SRFBP1: variants seen among roughly 807,000 people sequenced by gnomAD.
The protein encoded by SRFBP1 is serum response factor-binding protein 1.
Under a neutral mutation model 45.5 loss-of-function variants are expected in SRFBP1, and 47 were observed. That is an observed-to-expected ratio of 1.03 (90% CI 0.82 to 1.32). The LOEUF (loss-of-function observed/expected upper bound fraction) is 1.32. Among genes scored for constraint, SRFBP1 ranks in the 40% most tolerant of loss-of-function variants. The probability of loss-of-function intolerance (pLI) is 0.00; values close to 1 mark genes in which losing one functional copy is unlikely to be tolerated. For missense variants in SRFBP1, 621 were observed against 484.6 expected, an observed-to-expected ratio of 1.28 and a Z score of -2.64; for synonymous variants, 203 against 166.3, an observed-to-expected ratio of 1.22 and a Z score of -1.70.
intron 2 of SRFBP1, among the ~76,000 whole-genome samples, chr5:122,034,151 T>C (rs1374493143): frequency 6.6e-6 from 1 of 152,176 alleles, no homozygotes; most frequent in Admixed American, 6.5e-5. Flanking sequence ...AATAATTGTT[T>C]TAGGTGTTTC....
intron 1 of SRFBP1, among the ~76,000 whole-genome samples, chr5:121,963,354 C>T (rs78574994): frequency 6.6e-6 from 1 of 152,092 alleles, no homozygotes; most frequent in Admixed American, 6.5e-5. Flanking sequence ...ATACATTAAG[C>T]TTGTGCTTTG....
chr5:122,011,329 A>G (rs749799143), intron 4 of SRFBP1, among the ~76,000 whole-genome samples: 3 of 152,250 alleles, frequency 2.0e-5, no homozygotes, highest in Admixed American at 6.5e-5. Context: ...TTTATTTGAA[A>G]TGGAAGAAAC....
chr5:122,031,719 C>T (rs1030416451), downstream of SRFBP1, among the ~76,000 whole-genome samples: 5 of 151,710 alleles, frequency 3.3e-5, no homozygotes, highest in South Asian at 8.3e-4. Flanking sequence ...GGCATAATAG[C>T]TAAAAAAAAA....
At chr5:122,004,958 A>G (rs915109842) in intron 4 of SRFBP1, among the ~76,000 whole-genome samples, 1 of 152,172 alleles carries the variant, frequency 6.6e-6, no homozygotes. Flanking sequence ...GAATTTTTCA[A>G]AAATTCCTTC....
At chr5:122,042,509 C>T (rs1753788116) in intron 2 of SRFBP1, among the ~76,000 whole-genome samples, 1 of 152,186 alleles carries the variant, frequency 6.6e-6, no homozygotes, top group Admixed American at 6.5e-5. Context: ...TCCTTGGCTT[C>T]CCAAAGTGCT....
intron 7 of SRFBP1, among the ~76,000 whole-genome samples, chr5:122,022,816 TAA>T (rs1256675593): frequency 1.3e-5 from 2 of 152,204 alleles, no homozygotes; most frequent in Non-Finnish European, 2.9e-5. Context: ...GTAACAAATC[TAA>T]GTTTCATGTA....
chr5:122,057,349 G>T (rs555584616), intron 2 of SRFBP1, among the ~76,000 whole-genome samples: 1 of 151,970 alleles, frequency 6.6e-6, no homozygotes, highest in South Asian at 2.1e-4. Context: ...GAAAAGGAAA[G>T]GTTTATTATC....
At position 121,978,436 on chromosome 5, in the gene SRFBP1, G is replaced by A. The variant is rs553031295; in HGVS notation, c.198+3049G>A. 3.3e-5 allele frequency among the ~76,000 whole-genome samples: 5 copies of A among 152,162 alleles called. No individual in the cohort carries two copies. The East Asian group carries it at 9.6e-4, about 29-fold the overall frequency. On this transcript the variant is annotated intron_variant, in intron 3 of 7. Transcript: ENST00000339397. ...AAAAAGACTGAAAGATGTGCAACGT[G>A]TTTTCAGATCCTTTAATTCCTGACA... is the stretch of plus-strand genomic sequence containing the variant.
chr5:122,026,768 A>G (rs17148712), intron 7 of SRFBP1, among the ~76,000 whole-genome samples, 174 bp from the exon 8 acceptor site: 6,755 of 152,260 alleles, frequency 0.044, 173 homozygotes, highest in African/African-American at 0.06. Context: ...CTACTTGTAT[A>G]TAAATTTTCA....
At chr5:122,042,406 A>G (rs1015831493) in intron 2 of SRFBP1, among the ~76,000 whole-genome samples, 1 of 152,122 alleles carries the variant, frequency 6.6e-6, no homozygotes, top group Non-Finnish European at 1.5e-5. Flanking sequence ...AGCTGTGACT[A>G]CAGATACATG....
chr5:122,077,867 C>T (rs1451725256), downstream of SRFBP1: 2 of 1,535,988 alleles, frequency 1.3e-6, no homozygotes, highest in South Asian at 2.4e-5. The surrounding 1 kb of genome is among the most constrained non-coding windows in gnomAD (Gnocchi z 4.9). Flanking sequence ...GCGCCAGGCG[C>T]CCGGAGCCGC....
chr5:121,983,049 C>T (rs1752443989), intron 3 of SRFBP1, among the ~76,000 whole-genome samples: 1 of 151,686 alleles, frequency 6.6e-6, no homozygotes, highest in Admixed American at 6.6e-5. Flanking sequence ...AATATTACAA[C>T]ATATTTTGTT....
chr5:122,068,886 T>G (rs1754374442), intron 2 of SRFBP1, among the ~76,000 whole-genome samples: 1 of 152,054 alleles, frequency 6.6e-6, no homozygotes, highest in Non-Finnish European at 1.5e-5. Context: ...CTAATCTGTT[T>G]ATTTAAGTGC....
At chr5:122,042,732 AT>A (rs1753792473) in intron 2 of SRFBP1, among the ~76,000 whole-genome samples, 1 of 152,034 alleles carries the variant, frequency 6.6e-6, no homozygotes, top group Non-Finnish European at 1.5e-5. Flanking sequence ...ATGCATTGTG[AT>A]TTTTAAGATA....
intron 7 of SRFBP1, among the ~76,000 whole-genome samples, chr5:122,025,470 T>G (rs571433569): frequency 3.3e-5 from 5 of 152,318 alleles, no homozygotes; most frequent in African/African-American, 1.2e-4. Context: ...CCTTTGGGTA[T>G]ATACCCAATA....
chr5:122,033,264 G>C (rs1490530748), downstream of SRFBP1, among the ~76,000 whole-genome samples: 1 of 150,034 alleles, frequency 6.7e-6, no homozygotes, highest in Non-Finnish European at 1.5e-5. Context: ...ATATTTTTCC[G>C]TTTGTCAATT....
chr5:122,001,590 T>C (rs1200511769), intron 4 of SRFBP1, among the ~76,000 whole-genome samples: 4 of 144,342 alleles, frequency 2.8e-5, no homozygotes, highest in South Asian at 2.2e-4. Context: ...AGTCTCGCTC[T>C]GTCGCCCAGG....
chr5:122,061,434 A>G lies in SRFBP1; in HGVS notation n.312-13881A>G, dbSNP rs138953309. Reference sequence around the variant, plus strand: ...TTTTCTCTCTCCAAATTTTGTGCCTACTTCCCATAATTAAGAAACAAACAA... The same window carrying G: ...TTTTCTCTCTCCAAATTTTGTGCCTGCTTCCCATAATTAAGAAACAAACAA... On this transcript the variant is annotated intron_variant and non_coding_transcript_variant, in intron 2 of 2. Transcript: ENST00000504881. Among the ~76,000 whole-genome samples, 1,267 of 150,558 alleles carry G rather than the reference A, an allele frequency of 8.4e-3. 9 individuals are homozygous for G. Among genetic ancestry groups the G allele is most frequent in the South Asian group, 0.028 (129 of 4,532 alleles).
intron 4 of SRFBP1, among the ~76,000 whole-genome samples, chr5:122,008,078 C>A (rs1753014707): frequency 6.6e-6 from 1 of 152,120 alleles, no homozygotes; most frequent in Non-Finnish European, 1.5e-5. Context: ...TCTGAATGTA[C>A]TATCCTGGAG....
Sources: allele counts gnomAD v4.1 joint callset (sites outside exome capture counted in the v4.1 genomes callset), GRCh38; gene constraint gnomAD v4.1.1; non-coding constraint Gnocchi (gnomAD v3.1); transcripts MANE v1.5; gene names NCBI Gene and HGNC (gene_info 2026-07-23, HGNC 2026-07-21).